Variants in AIM2 observed in about 807,000 individuals in gnomAD.
AIM2 encodes absent in melanoma 2, also known as interferon-inducible protein AIM2.
AIM2 carries 30 observed loss-of-function variants against 27.7 expected under a neutral mutation model. The observed-to-expected ratio is 1.08, with a 90% CI of 0.81 to 1.47. The LOEUF (loss-of-function observed/expected upper bound fraction) is 1.47. Ranked by LOEUF, AIM2 falls within the 40% of genes most tolerant of loss-of-function variation. The pLI is 0.00. For synonymous variants in AIM2, 141 were observed against 145.3 expected, an observed-to-expected ratio of 0.97 and a Z score of 0.21; for missense variants, 358 against 411.3, an observed-to-expected ratio of 0.87 and a Z score of 1.12.
intron 1 of AIM2, among the ~76,000 whole-genome samples, chr1:159,085,350 G>A (rs1656883359): frequency 6.6e-6 from 1 of 152,094 alleles, no homozygotes; most frequent in South Asian, 2.1e-4. Context: ...TGTGACACAT[G>A]GCCACTAAAA....
intron 1 of AIM2, among the ~76,000 whole-genome samples, chr1:159,094,504 C>T (rs1164681156): frequency 6.6e-6 from 1 of 152,178 alleles, no homozygotes; most frequent in Admixed American, 6.5e-5. Context: ...CGAGACCAGC[C>T]TGGCCAACAT....
intron 4 of AIM2, 75 bp from the exon 5 acceptor site, chr1:159,063,749 C>T: frequency 7.1e-7 from 1 of 1,407,492 alleles, no homozygotes; most frequent in Non-Finnish European, 9.8e-7. Context: ...ATCAGACATG[C>T]CAGAAGAAGG....
downstream of AIM2, among the ~76,000 whole-genome samples, chr1:159,062,122 A>C (rs182015330): frequency 1.3e-5 from 2 of 152,118 alleles, no homozygotes; most frequent in East Asian, 1.9e-4. Context: ...AATAGACTGT[A>C]AATGTGCAAG....
intron 1 of AIM2, among the ~76,000 whole-genome samples, chr1:159,124,288 A>G (rs1210314651): frequency 6.6e-6 from 1 of 152,256 alleles, no homozygotes; most frequent in Non-Finnish European, 1.5e-5. Flanking sequence ...TCAGCCTGCA[A>G]TGCAGTTCGA....
chr1:159,058,442 A>G (rs1462646635), downstream of AIM2, among the ~76,000 whole-genome samples: 1 of 151,548 alleles, frequency 6.6e-6, no homozygotes, highest in Non-Finnish European at 1.5e-5. Flanking sequence ...AAACACAGCC[A>G]TGTACCTGGG....
chr1:159,118,084 C>CA (rs1382387343), intron 1 of AIM2, among the ~76,000 whole-genome samples: 2 of 152,096 alleles, frequency 1.3e-5, no homozygotes, highest in African/African-American at 4.8e-5. Flanking sequence ...CCAGAAACAT[C>CA]AAAAATATCT....
At chr1:159,125,503 A>G (rs936195955) in intron 1 of AIM2, among the ~76,000 whole-genome samples, 1 of 152,214 alleles carries the variant, frequency 6.6e-6, no homozygotes, top group Non-Finnish European at 1.5e-5. Flanking sequence ...GTTAAGCGCC[A>G]CATGGTTATA....
chr1:159,066,437 G>T, intron 3 of AIM2, 108 bp from the exon 4 acceptor site: 1 of 1,130,552 alleles, frequency 8.8e-7, no homozygotes, highest in Non-Finnish European at 1.2e-6. Flanking sequence ...GAAGATAGGT[G>T]GAATCAAGGG....
At chr1:159,060,132 C>T (rs1286783627), downstream of AIM2, among the ~76,000 whole-genome samples, 1 of 152,202 alleles carries the variant, frequency 6.6e-6, no homozygotes, top group Non-Finnish European at 1.5e-5. Context: ...ATAATATGAA[C>T]ATAATTACTA....
At chr1:159,112,581 G>A (rs908170616) in intron 1 of AIM2, among the ~76,000 whole-genome samples, 4 of 151,956 alleles carry the variant, frequency 2.6e-5, no homozygotes, top group Admixed American at 6.6e-5. Context: ...TTGATCTGAC[G>A]GAATACTTAG....
chr1:159,107,506 G>C (rs995836060), intron 1 of AIM2, among the ~76,000 whole-genome samples: 4 of 152,018 alleles, frequency 2.6e-5, no homozygotes, highest in Non-Finnish European at 5.9e-5. Flanking sequence ...CAGCCACCTT[G>C]GGAAGAATGT....
upstream of AIM2, chr1:159,081,521 T>C (rs1408207661): frequency 9.6e-6 from 5 of 523,454 alleles, no homozygotes; most frequent in African/African-American, 7.8e-5. Context: ...ATTAATAACA[T>C]TGGTGCTGCA....
intron 2 of AIM2, among the ~76,000 whole-genome samples, chr1:159,070,644 A>T (rs1223954534): frequency 6.6e-6 from 1 of 152,254 alleles, no homozygotes; most frequent in Non-Finnish European, 1.5e-5. Flanking sequence ...GAAACGATTT[A>T]ATTATTAGAG....
intron 1 of AIM2, among the ~76,000 whole-genome samples, chr1:159,118,528 T>C (rs1013316936): frequency 3.3e-5 from 5 of 152,188 alleles, no homozygotes; most frequent in African/African-American, 1.2e-4. Flanking sequence ...CAGTGAGGTG[T>C]AGTTTCATGA....
chr1:159,089,069 G>T (rs1214394361), intron 1 of AIM2, among the ~76,000 whole-genome samples: 1 of 152,090 alleles, frequency 6.6e-6, no homozygotes, highest in Non-Finnish European at 1.5e-5. Context: ...TTTATTCAAA[G>T]AAAACACTGA....
At chr1:159,105,692 TGAG>T (rs1557906224) in intron 1 of AIM2, among the ~76,000 whole-genome samples, 1 of 152,158 alleles carries the variant, frequency 6.6e-6, no homozygotes, top group Non-Finnish European at 1.5e-5. Context: ...CCTGATGAGC[TGAG>T]GAGACCCGAA....
At chr1:159,082,801 C>A (rs369829372) in intron 1 of AIM2, among the ~76,000 whole-genome samples, 1 of 152,166 alleles carries the variant, frequency 6.6e-6, no homozygotes, top group Non-Finnish European at 1.5e-5. Context: ...AACATTCAGT[C>A]CACAAGGATG....
At chr1:159,090,460 C>T (rs72709587) in intron 1 of AIM2, among the ~76,000 whole-genome samples, 3 of 152,194 alleles carry the variant, frequency 2.0e-5, no homozygotes, top group Admixed American at 6.5e-5. Flanking sequence ...TGCTAGAAAG[C>T]GTGTGACTGC....
chr1:159,096,554 C>T (rs1657185823), intron 1 of AIM2, among the ~76,000 whole-genome samples: 1 of 152,058 alleles, frequency 6.6e-6, no homozygotes, highest in Non-Finnish European at 1.5e-5. Context: ...GGCTCCTTTT[C>T]CAGCTTTAAG....
Sources: allele counts gnomAD v4.1 joint callset (sites outside exome capture counted in the v4.1 genomes callset), GRCh38; gene constraint gnomAD v4.1.1; transcripts MANE v1.5; gene names NCBI Gene and HGNC (gene_info 2026-07-23, HGNC 2026-07-21).